Variants in PARD3 observed in about 807,000 individuals in gnomAD.
The protein encoded by PARD3 is partitioning defective 3 homolog.
PARD3 carries 75 observed loss-of-function variants against 155.4 expected under a neutral mutation model. The observed-to-expected ratio is 0.48, with a 90% CI of 0.40 to 0.58. PARD3 has a LOEUF of 0.58. PARD3 is among the 20% of genes least tolerant of loss of function. The probability of loss-of-function intolerance (pLI) is 0.00; values close to 1 mark genes in which losing one functional copy is unlikely to be tolerated. For synonymous variants in PARD3, 576 were observed against 610.5 expected (o/e 0.94, Z 0.83); for missense variants, 1,642 against 1,721.7 (o/e 0.95, Z 0.82).
At chr10:34,284,272 G>A (rs1306306648) in intron 20 of PARD3, 27 bp from the exon 21 acceptor site, 8 of 1,303,614 alleles carry the variant, frequency 6.1e-6, no homozygotes, top group Admixed American at 3.6e-5. Context: ...ATTCTAACTT[G>A]TCAATATATA....
At chr10:34,746,912 C>T (rs1281045809) in intron 1 of PARD3, among the ~76,000 whole-genome samples, 1 of 152,224 alleles carries the variant, frequency 6.6e-6, no homozygotes, top group African/African-American at 2.4e-5. Flanking sequence ...GACACCCTGA[C>T]TTCTGCAGTG....
intron 22 of PARD3, among the ~76,000 whole-genome samples, chr10:34,229,761 C>T (rs1349191738): frequency 1.3e-5 from 2 of 151,864 alleles, no homozygotes; most frequent in Non-Finnish European, 2.9e-5. Flanking sequence ...TACACCTAAT[C>T]AATTTTTGTT....
At chr10:34,573,214 G>C (rs2086575359) in intron 2 of PARD3, among the ~76,000 whole-genome samples, 2 of 151,610 alleles carry the variant, frequency 1.3e-5, no homozygotes, top group African/African-American at 2.4e-5. Flanking sequence ...AAATTAGCCA[G>C]GTGTGATGGC....
At chr10:34,329,864 TTATATG>T (rs1253421710) in intron 19 of PARD3, among the ~76,000 whole-genome samples, 1 of 152,200 alleles carries the variant, frequency 6.6e-6, no homozygotes, top group Non-Finnish European at 1.5e-5. Context: ...CCCAAACGCA[TTATATG>T]TATAAGCATT....
At chr10:34,255,352 C>T (rs1285954029) in intron 22 of PARD3, among the ~76,000 whole-genome samples, 1 of 152,180 alleles carries the variant, frequency 6.6e-6, no homozygotes, top group African/African-American at 2.4e-5. Flanking sequence ...ACCCCAATTC[C>T]ATTTGCATCC....
chr10:34,737,675 A>G lies in PARD3; in HGVS notation c.121-41256T>C, dbSNP rs543664369. Among the ~76,000 whole-genome samples, 6 of 152,282 alleles carry G rather than the reference A, an allele frequency of 3.9e-5. No individual in the cohort carries two copies. The South Asian group carries it at 8.3e-4, about 21-fold the overall frequency. ...CCCACCACGTGAGTGCTCAGCTGCT[A>G]GGCACCAACCTAGCAGCAGAATCCA... On this transcript the variant is annotated intron_variant, in intron 1 of 24. Coordinates refer to ENST00000374788, the MANE Select transcript of PARD3 (RefSeq NM_001184785.2).
intron 5 of PARD3, among the ~76,000 whole-genome samples, chr10:34,447,337 T>C (rs889057639): frequency 6.6e-6 from 1 of 151,572 alleles, no homozygotes; most frequent in East Asian, 1.9e-4. Flanking sequence ...AAAAATTAAC[T>C]GGGCATGGTG....
intron 1 of PARD3, among the ~76,000 whole-genome samples, chr10:34,709,909 A>C (rs2094426122): frequency 6.6e-6 from 1 of 152,076 alleles, no homozygotes; most frequent in Middle Eastern, 3.2e-3. Flanking sequence ...AATTAATTTT[A>C]AACAAATTTA....
At chr10:34,768,847 G>GT (rs1838468849) in intron 1 of PARD3, among the ~76,000 whole-genome samples, 1 of 152,222 alleles carries the variant, frequency 6.6e-6, no homozygotes, top group South Asian at 2.1e-4. Context: ...CGCACTCAGG[G>GT]TGCGGCTCCA....
intron 7 of PARD3, among the ~76,000 whole-genome samples, chr10:34,385,585 T>G (rs892598803): frequency 1.3e-5 from 2 of 152,222 alleles, no homozygotes; most frequent in African/African-American, 4.8e-5. Flanking sequence ...CAGTATAAAT[T>G]AAAATTGAAG....
chr10:34,795,293 C>T (rs1842125320), intron 1 of PARD3, among the ~76,000 whole-genome samples: 1 of 152,158 alleles, frequency 6.6e-6, no homozygotes, highest in South Asian at 2.1e-4. Flanking sequence ...GAGGGAGATG[C>T]CCAATTCCAG....
chr10:34,145,211 ATATATATATATTT>A (rs1481386051), intron 22 of PARD3, among the ~76,000 whole-genome samples: 112 of 64,604 alleles, frequency 1.7e-3, no homozygotes, highest in African/African-American at 9.8e-3. Flanking sequence ...ATATATATAT[ATATATATATATTT>A]TTTTTTTTTT....
At chr10:34,426,939 GAACATA>G (rs1285905418) in intron 5 of PARD3, among the ~76,000 whole-genome samples, 1 of 152,064 alleles carries the variant, frequency 6.6e-6, no homozygotes, top group African/African-American at 2.4e-5. Flanking sequence ...TGCAATCTCC[GAACATA>G]AATTGTGAAG....
chr10:34,526,973 C>G (rs2082531712), intron 2 of PARD3, among the ~76,000 whole-genome samples: 3 of 152,182 alleles, frequency 2.0e-5, no homozygotes, highest in African/African-American at 7.2e-5. Context: ...AAATGTCTTG[C>G]CATCTGGTAA....
At chr10:34,744,727 A>G (rs891092931) in intron 1 of PARD3, among the ~76,000 whole-genome samples, 22 of 152,280 alleles carry the variant, frequency 1.4e-4, no homozygotes, top group Non-Finnish European at 5.9e-5. Context: ...TAGTCAAGAG[A>G]AATAGTTTAA....
At chr10:34,660,229 C>T (rs2093285753) in intron 2 of PARD3, among the ~76,000 whole-genome samples, 1 of 152,138 alleles carries the variant, frequency 6.6e-6, no homozygotes, top group Non-Finnish European at 1.5e-5. Flanking sequence ...ATTTCTCTCC[C>T]AACTCCAATT....
chr10:34,466,401 G>C (rs2575985), intron 4 of PARD3, among the ~76,000 whole-genome samples: 29,261 of 152,094 alleles, frequency 0.19, 3,599 homozygotes, highest in East Asian at 0.38. Context: ...GAGAGAGTTT[G>C]ACATGATGGT....
chr10:34,797,087 C>T (rs749151939), intron 1 of PARD3, among the ~76,000 whole-genome samples: 2 of 152,214 alleles, frequency 1.3e-5, no homozygotes, highest in Admixed American at 6.5e-5. Context: ...TTATATTTGC[C>T]AACAACAGCC....
rs756201037 is a variant in PARD3 at position 34,331,225 on chromosome 10, G to A, written c.2725C>T (p.Arg909Trp). 1.7e-5 allele frequency: 28 copies of A among 1,613,866 alleles called. 1 individual carries two copies. In the South Asian group the frequency reaches 2.3e-4, roughly 13 times the overall value. ...LNGDIPFHRP[R>W]PRIIRGRGCN... ...CCCCTGCCTCTGATTATCCGCGGCC[G>A]TGGACGATGGAAAGGAATATCCCCA... Residue 909 changes from arginine (R) to tryptophan (W), a missense_variant, in exon 19 of 25, where the codon CGG becomes TGG. Physicochemically the swap from Arg to Trp is moderately radical, Grantham distance 101 (BLOSUM62 -3). Around this residue, in one of 3 missense-constraint regions of PARD3, gnomAD observed 1,529 missense variants for 1,587.3 expected, o/e 0.96. Coordinates refer to ENST00000374788, the MANE Select transcript of PARD3 (RefSeq NM_001184785.2).
Sources: allele counts gnomAD v4.1 joint callset (sites outside exome capture counted in the v4.1 genomes callset), GRCh38; gene constraint gnomAD v4.1.1; regional missense constraint gnomAD v4.1.1; transcripts MANE v1.5; gene names NCBI Gene and HGNC (gene_info 2026-07-23, HGNC 2026-07-21).